The following ZC3H12C variants were observed in gnomAD, a reference collection of about 807,000 sequenced individuals.
ZC3H12C encodes probable ribonuclease ZC3H12C.
In ZC3H12C, 20 loss-of-function variants were observed where a neutral mutation model predicts 76.3. That is an observed-to-expected ratio of 0.26 (90% CI 0.18 to 0.38). The LOEUF (loss-of-function observed/expected upper bound fraction) is 0.38, where lower values mean the gene tolerates loss of function less well. Among genes scored for constraint, ZC3H12C ranks in the 10% least tolerant of loss-of-function variants. The probability of loss-of-function intolerance (pLI) is 1.00; values close to 1 mark genes in which losing one functional copy is unlikely to be tolerated. For synonymous variants in ZC3H12C, 352 were observed against 399.6 expected, an observed-to-expected ratio of 0.88 and a Z score of 1.42; for missense variants, 874 against 1,086.5, an observed-to-expected ratio of 0.80 and a Z score of 2.75.
At chr11:110,152,577 T>A (rs1277553086) in intron 2 of ZC3H12C, among the ~76,000 whole-genome samples, 1 of 152,192 alleles carries the variant, frequency 6.6e-6, no homozygotes, top group Non-Finnish European at 1.5e-5. Context: ...TGACTGAAAT[T>A]CTTCTTGCTG....
chr11:110,115,141 C>G (rs1861501458), intron 1 of ZC3H12C, among the ~76,000 whole-genome samples: 1 of 152,188 alleles, frequency 6.6e-6, no homozygotes, highest in African/African-American at 2.4e-5. Flanking sequence ...GGGTCTCACA[C>G]TGTCATCCAG....
intron 1 of ZC3H12C, 46 bp downstream of exon 1, chr11:110,093,478 T>C (rs2134135903): frequency 8.5e-7 from 1 of 1,174,518 alleles, no homozygotes; most frequent in Non-Finnish European, 1.1e-6. Context: ...GCGGCGAGAG[T>C]GGTCCTGGGG....
At chr11:110,159,161 C>T in intron 3 of ZC3H12C, 95 bp from the exon 4 acceptor site, 1 of 906,834 alleles carries the variant, frequency 1.1e-6, no homozygotes, top group Non-Finnish European at 1.7e-6. Context: ...TTCATATATA[C>T]AGCTTATGTT....
At chr11:110,115,802 C>T (rs1399687123) in intron 1 of ZC3H12C, among the ~76,000 whole-genome samples, 3 of 147,214 alleles carry the variant, frequency 2.0e-5, no homozygotes, top group East Asian at 2.0e-4. Context: ...ACTCTGTCTC[C>T]GAGGCTGGGG....
intron 2 of ZC3H12C, among the ~76,000 whole-genome samples, chr11:110,146,747 A>T (rs777654221): frequency 3.3e-5 from 5 of 152,098 alleles, no homozygotes; most frequent in Non-Finnish European, 7.4e-5. Context: ...TTATCTTTCT[A>T]CATTTTTTTT....
chr11:110,102,343 C>T (rs1861232270), intron 1 of ZC3H12C, among the ~76,000 whole-genome samples: 1 of 150,916 alleles, frequency 6.6e-6, no homozygotes, highest in Non-Finnish European at 1.5e-5. Flanking sequence ...TTGACTCTAA[C>T]CCTCATGGAT....
At chr11:110,129,590 T>C (rs1861822469) in intron 1 of ZC3H12C, among the ~76,000 whole-genome samples, 1 of 152,178 alleles carries the variant, frequency 6.6e-6, no homozygotes, top group Non-Finnish European at 1.5e-5. Context: ...TTAGAATTCA[T>C]GATCATATAA....
chr11:110,152,535 ATT>A (rs3039411), intron 2 of ZC3H12C, among the ~76,000 whole-genome samples: 6 of 151,254 alleles, frequency 4.0e-5, no homozygotes, highest in Admixed American at 1.3e-4. Flanking sequence ...GTTTTTACAG[ATT>A]TTTTTTTTTC....
At chr11:110,157,545 C>T (rs1439939590) in intron 3 of ZC3H12C, among the ~76,000 whole-genome samples, 4 of 151,436 alleles carry the variant, frequency 2.6e-5, no homozygotes, top group African/African-American at 9.7e-5. Context: ...AAGCAATTCT[C>T]CTGCCTCAGC....
At chr11:110,108,896 ACACTGAATC>A (rs1052530465) in intron 1 of ZC3H12C, among the ~76,000 whole-genome samples, 2 of 152,240 alleles carry the variant, frequency 1.3e-5, no homozygotes, top group African/African-American at 4.8e-5. Context: ...TTCATCTTCC[ACACTGAATC>A]CAGTTTAAGA....
chr11:110,123,466 C>A (rs1203466015), intron 1 of ZC3H12C, among the ~76,000 whole-genome samples: 1 of 152,096 alleles, frequency 6.6e-6, no homozygotes. Context: ...TGTCTTTAGA[C>A]CAGTGGAAAG....
At chr11:110,131,210 C>A in intron 1 of ZC3H12C, 1 of 878,668 alleles carries the variant, frequency 1.1e-6, no homozygotes, top group Non-Finnish European at 1.8e-6. Flanking sequence ...TGAAAGTCTA[C>A]AAATTATTAC....
chr11:110,109,370 T>C (rs1861388528), intron 1 of ZC3H12C, among the ~76,000 whole-genome samples: 1 of 152,176 alleles, frequency 6.6e-6, no homozygotes, highest in Non-Finnish European at 1.5e-5. Flanking sequence ...TGATTATAGG[T>C]TCTTAATTTA....
intron 2 of ZC3H12C, among the ~76,000 whole-genome samples, chr11:110,148,810 A>G (rs1378018678): frequency 6.6e-6 from 1 of 152,244 alleles, no homozygotes; most frequent in Non-Finnish European, 1.5e-5. Context: ...TAAGCAATTA[A>G]AGCTATGGTC....
At chr11:110,114,259 A>C (rs1861485526) in intron 1 of ZC3H12C, among the ~76,000 whole-genome samples, 2 of 152,076 alleles carry the variant, frequency 1.3e-5, no homozygotes, top group South Asian at 4.1e-4. Context: ...ACACAGACAC[A>C]TATACCATAG....
chr11:110,165,328 T>A lies in ZC3H12C; in HGVS notation c.2243T>A (p.Ile748Lys). The A allele has an allele frequency of 6.2e-7, 1 of 1,613,972 alleles. No individual in the cohort carries two copies. Among genetic ancestry groups the A allele is most frequent in the Middle Eastern group, 1.6e-4 (1 of 6,062 alleles). ...GGGAGGTCCTTGGTGGCCACGAGAA[T>A]AGACAGCATCTCTGACTCTCGACTT... ...HLGRSLVATRIDSISDSRLYD... is the reference protein window; with the variant it reads ...HLGRSLVATRKDSISDSRLYD... Residue 748 changes from isoleucine to lysine, a missense_variant, in exon 6 of 6, where the codon ATA becomes AAA. Physicochemically the swap from Ile to Lys is moderately radical, Grantham distance 102. Around this residue, in one of 3 missense-constraint regions of ZC3H12C, gnomAD observed 395 missense variants for 434.4 expected, o/e 0.91. Coordinates refer to ENST00000278590, the MANE Select transcript of ZC3H12C (RefSeq NM_033390.2).
rs1426527499 is a variant in ZC3H12C at position 110,118,018 on chromosome 11, C to CACACATATATATTATATATATAT, written c.22-18622_22-18600dup. Among the ~76,000 whole-genome samples, 5 of 127,530 alleles carry CACACATATATATTATATATATAT rather than the reference C, an allele frequency of 3.9e-5. 2 individuals are homozygous for CACACATATATATTATATATATAT. The highest frequency in any genetic ancestry group is 2.6e-4 in the Admixed American group (3 of 11,686). 83.7% of individuals were successfully genotyped at this position (127,530 alleles called of 152,430 possible). On this transcript the variant is annotated intron_variant, in intron 1 of 5. Transcript: ENST00000278590. ...CACATATATATTATATATATACACA[C>CACACATATATATTATATATATAT]ACACATATATATTATATATATATAC...
At chr11:110,102,832 G>A (rs891881294) in intron 1 of ZC3H12C, among the ~76,000 whole-genome samples, 1 of 152,164 alleles carries the variant, frequency 6.6e-6, no homozygotes, top group African/African-American at 2.4e-5. Context: ...CATCAACATT[G>A]AGGCAAGACC....
intron 1 of ZC3H12C, among the ~76,000 whole-genome samples, chr11:110,114,878 T>C (rs1301943633): frequency 2.0e-5 from 3 of 152,220 alleles, no homozygotes; most frequent in Admixed American, 2.0e-4. Context: ...AACTTTTCAA[T>C]AATTTATAGA....
Sources: gnomAD v4.1 joint callset for allele counts (sites outside exome capture counted in the v4.1 genomes callset) on GRCh38, gnomAD v4.1.1 for gene constraint, gnomAD v4.1.1 regional missense constraint, MANE v1.5 for transcripts, NCBI Gene and HGNC (gene_info 2026-07-23, HGNC 2026-07-21) for gene names.